Variants in NEK11 observed in about 807,000 individuals in gnomAD.
NEK11 encodes the protein serine/threonine-protein kinase Nek11.
In NEK11, 72 loss-of-function variants were observed where a neutral mutation model predicts 80.7. The ratio of observed to expected loss-of-function variants is 0.89; its 90% CI spans 0.74 to 1.08. The LOEUF (loss-of-function observed/expected upper bound fraction) is 1.08, where lower values mean the gene tolerates loss of function less well. Among genes scored for constraint, NEK11 ranks in the 50% least tolerant of loss-of-function variants. The probability of loss-of-function intolerance (pLI) is 0.00; values close to 1 mark genes in which losing one functional copy is unlikely to be tolerated. For missense variants in NEK11, 764 were observed against 763.6 expected (o/e 1.00, Z -0.01); for synonymous variants, 251 against 260.7 (o/e 0.96, Z 0.36).
rs116395665 is a variant in NEK11 at position 131,273,559 on chromosome 3, T to C, written c.1703T>C (p.Met568Thr). Residue 568 changes from methionine (M) to threonine (T), a missense_variant, in exon 17 of 18, where the codon ATG becomes ACG. By Grantham distance (81) the Met-to-Thr change is moderately conservative. Coordinates refer to ENST00000383366, the MANE Select transcript of NEK11 (RefSeq NM_024800.5). ...AACAGTGTGATGGCCAGGACCAAGA[T>C]GAAACGCATGAGGGAGTAAGTAGCA... is the stretch of plus-strand genomic sequence containing the variant. ...IFNSVMARTKMKRMRESAMQK... is the reference protein window; with the variant it reads ...IFNSVMARTKTKRMRESAMQK... The C allele has an allele frequency of 6.8e-6, 11 of 1,613,526 alleles. No homozygotes were observed. Among genetic ancestry groups the C allele is most frequent in the East Asian group, 4.5e-5 (2 of 44,884 alleles).
chr3:131,343,693 A>G (rs765251641), intron 17 of NEK11, among the ~76,000 whole-genome samples: 1 of 152,210 alleles, frequency 6.6e-6, no homozygotes, highest in African/African-American at 2.4e-5. Context: ...CACCATGTAG[A>G]AGCTGCCAGA....
At chr3:131,231,833 G>A (rs1449900251) in intron 15 of NEK11, among the ~76,000 whole-genome samples, 1 of 151,994 alleles carries the variant, frequency 6.6e-6, no homozygotes, top group East Asian at 1.9e-4. Context: ...GAGTGTGCCA[G>A]GGTCTGCTTA....
Position 131,215,613 on chromosome 3 carries a change from A to T in NEK11, c.1400-12915A>T, listed in dbSNP as rs529964758. ...GGCATCTTACAGATGAGAAGATTTG[A>T]TTGGATACATCCTTTGATATGGCAC... is the stretch of plus-strand genomic sequence containing the variant. On this transcript the variant is annotated intron_variant, in intron 14 of 17. Transcript: ENST00000383366. Among the ~76,000 whole-genome samples, 5 of 152,242 alleles carry T rather than the reference A, an allele frequency of 3.3e-5. No homozygotes were observed. The East Asian group carries it at 5.8e-4, about 18-fold the overall frequency.
chr3:131,302,212 T>G lies in NEK11; in HGVS notation c.1718+28638T>G, dbSNP rs550818364. Among the ~76,000 whole-genome samples the G allele has an allele frequency of 4.6e-5, 7 of 152,250 alleles. No individual in the cohort carries two copies. The South Asian group carries it at 1.2e-3, about 27-fold the overall frequency. On this transcript the variant is annotated intron_variant, in intron 17 of 17. Transcript: ENST00000383366. ...ATAGGGTTGGTGGTAATGTCCGATT[T>G]GTTATTTCTAATTGTGTTTATTTGG... is the stretch of plus-strand genomic sequence containing the variant.
At chr3:131,342,191 G>C (rs1030257433) in intron 17 of NEK11, among the ~76,000 whole-genome samples, 2 of 152,204 alleles carry the variant, frequency 1.3e-5, no homozygotes, top group Admixed American at 6.5e-5. Flanking sequence ...TCTGGAGAGA[G>C]AGCTGTTCTG....
chr3:131,033,698 A>G (rs977602456), intron 3 of NEK11, among the ~76,000 whole-genome samples: 5 of 152,216 alleles, frequency 3.3e-5, no homozygotes, highest in African/African-American at 1.2e-4. Flanking sequence ...CATTTTGCAT[A>G]CAGGGTGACC....
intron 7 of NEK11, among the ~76,000 whole-genome samples, chr3:131,138,367 G>T (rs750121207): frequency 2.6e-4 from 40 of 152,108 alleles, no homozygotes; most frequent in Non-Finnish European, 3.4e-4. Flanking sequence ...TGTGTCATGT[G>T]ACTTGAGTGC....
chr3:131,071,091 T>C (rs1385061983), intron 3 of NEK11, among the ~76,000 whole-genome samples: 7 of 152,236 alleles, frequency 4.6e-5, no homozygotes, highest in Non-Finnish European at 1.0e-4. Context: ...TTCTCTGAGA[T>C]ATTGTGAAAC....
chr3:131,098,577 C>CT (rs755143299), intron 4 of NEK11, among the ~76,000 whole-genome samples: 2,636 of 136,990 alleles, frequency 0.019, 67 homozygotes, highest in African/African-American at 0.062. Flanking sequence ...CCTTTGCCCA[C>CT]TTTTTTTTTT....
chr3:131,309,848 G>A (rs1223835370), intron 17 of NEK11, among the ~76,000 whole-genome samples: 1 of 151,630 alleles, frequency 6.6e-6, no homozygotes, highest in Non-Finnish European at 1.5e-5. Flanking sequence ...AATTAATCAA[G>A]CTTGGTGGCA....
chr3:131,132,388 T>C (rs1474959575), intron 5 of NEK11, among the ~76,000 whole-genome samples: 2 of 152,010 alleles, frequency 1.3e-5, no homozygotes, highest in African/African-American at 4.8e-5. Flanking sequence ...ACTTGGACAT[T>C]TGGGTAATAA....
At chr3:131,321,104 C>A (rs904483530) in intron 17 of NEK11, among the ~76,000 whole-genome samples, 4 of 152,136 alleles carry the variant, frequency 2.6e-5, no homozygotes, top group Admixed American at 1.3e-4. Context: ...TCAAACTGTA[C>A]TATAAGGCTA....
At chr3:131,065,693 A>G (rs2071795779) in intron 3 of NEK11, among the ~76,000 whole-genome samples, 2 of 152,010 alleles carry the variant, frequency 1.3e-5, no homozygotes, top group Admixed American at 1.3e-4. Flanking sequence ...AGATTTGAGG[A>G]TTTGATTTTC....
At chr3:131,144,996 A>T (rs905699231) in intron 7 of NEK11, among the ~76,000 whole-genome samples, 1 of 152,022 alleles carries the variant, frequency 6.6e-6, no homozygotes, top group Non-Finnish European at 1.5e-5. Context: ...AGATAATTGC[A>T]TATCTTTTTT....
At chr3:131,267,438 T>G (rs1277656107) in intron 16 of NEK11, among the ~76,000 whole-genome samples, 1 of 152,248 alleles carries the variant, frequency 6.6e-6, no homozygotes, top group Non-Finnish European at 1.5e-5. Context: ...TATTTCTCCC[T>G]CGCTTATGAA....
intron 17 of NEK11, among the ~76,000 whole-genome samples, chr3:131,347,357 G>T (rs1301847350): frequency 6.6e-6 from 1 of 152,184 alleles, no homozygotes; most frequent in Non-Finnish European, 1.5e-5. Flanking sequence ...AAAGCACTTT[G>T]CAAGCTCTAA....
At chr3:131,148,042 G>A (rs1295564015) in intron 7 of NEK11, among the ~76,000 whole-genome samples, 1 of 151,458 alleles carries the variant, frequency 6.6e-6, no homozygotes, top group Non-Finnish European at 1.5e-5. Flanking sequence ...TCCTATATCT[G>A]GTGTGCTAGG....
chr3:131,086,212 C>G (rs897272217), intron 4 of NEK11, among the ~76,000 whole-genome samples: 1 of 152,030 alleles, frequency 6.6e-6, no homozygotes, highest in Non-Finnish European at 1.5e-5. Context: ...GATAAATATC[C>G]TGGGTAAGAT....
intron 4 of NEK11, among the ~76,000 whole-genome samples, chr3:131,092,307 A>G (rs1207141539): frequency 6.6e-6 from 1 of 152,200 alleles, no homozygotes; most frequent in Non-Finnish European, 1.5e-5. Context: ...GCTGTATATG[A>G]GCATTTAAGA....
Sources: allele counts gnomAD v4.1 joint callset (sites outside exome capture counted in the v4.1 genomes callset), GRCh38; gene constraint gnomAD v4.1.1; transcripts MANE v1.5; gene names NCBI Gene and HGNC (gene_info 2026-07-23, HGNC 2026-07-21).